FBXW8: variants seen among roughly 807,000 people sequenced by gnomAD.
FBXW8 encodes F-box/WD repeat-containing protein 8.
Under a neutral mutation model 65.3 loss-of-function variants are expected in FBXW8, and 57 were observed. That is an observed-to-expected ratio of 0.87 (90% CI 0.71 to 1.09). The LOEUF (loss-of-function observed/expected upper bound fraction) is 1.09, where lower values mean the gene tolerates loss of function less well. Among genes scored for constraint, FBXW8 ranks in the 50% least tolerant of loss-of-function variants. The pLI is 0.00. For missense variants in FBXW8, 777 were observed against 814.8 expected, an observed-to-expected ratio of 0.95 and a Z score of 0.57; for synonymous variants, 308 against 330.2, an observed-to-expected ratio of 0.93 and a Z score of 0.73.
intron 8 of FBXW8, among the ~76,000 whole-genome samples, chr12:117,010,995 G>A (rs1428071864): frequency 2.0e-5 from 3 of 152,200 alleles, no homozygotes; most frequent in Non-Finnish European, 4.4e-5. Context: ...GATTTTCCCG[G>A]TATAGGGGCC....
intron 2 of FBXW8, among the ~76,000 whole-genome samples, chr12:116,935,866 G>A (rs184805653): frequency 8.9e-4 from 135 of 152,288 alleles, no homozygotes; most frequent in South Asian, 2.3e-3. Flanking sequence ...TATGACCTTT[G>A]AGAATTAAAA....
intron 8 of FBXW8, among the ~76,000 whole-genome samples, chr12:117,021,744 GA>G (rs1025289765): frequency 2.1e-4 from 31 of 151,190 alleles, no homozygotes; most frequent in Admixed American, 1.6e-3. Context: ...ACTTCTTTCC[GA>G]TTTTTTTTAA....
At chr12:116,919,029 A>G (rs1002746112) in intron 1 of FBXW8, among the ~76,000 whole-genome samples, 6 of 152,202 alleles carry the variant, frequency 3.9e-5, no homozygotes, top group African/African-American at 1.4e-4. Context: ...TAAGAGATTA[A>G]CAGCAACAAC....
At chr12:116,994,317 A>G (rs1953323439) in intron 7 of FBXW8, among the ~76,000 whole-genome samples, 1 of 152,214 alleles carries the variant, frequency 6.6e-6, no homozygotes, top group African/African-American at 2.4e-5. Context: ...GTGTGAAAGT[A>G]TGGTACTGGT....
chr12:117,027,599 C>G, intron 10 of FBXW8, 95 bp downstream of exon 10: 1 of 953,208 alleles, frequency 1.0e-6, no homozygotes, highest in Non-Finnish European at 1.7e-6. Flanking sequence ...ACCCTATGGG[C>G]TATACCCTCA....
intron 1 of FBXW8, among the ~76,000 whole-genome samples, chr12:116,914,953 G>A (rs1041108607): frequency 2.6e-5 from 4 of 152,214 alleles, no homozygotes; most frequent in African/African-American, 7.2e-5. Context: ...CATTGTGTGC[G>A]TAAACTGTCT....
In FBXW8 at chr12:117,010,437, A is replaced by G; in HGVS notation, c.1354A>G (p.Asn452Asp). Residue 452 changes from asparagine (N) to aspartate (D), a missense_variant, in exon 8 of 11, where the codon AAC becomes GAC. By Grantham distance (23) the Asn-to-Asp change is conservative. Transcript: ENST00000652555. ...DSPPNLMVSG[N>D]MDGRVRIHDL... ...CCCTCCCAACCTCATGGTCAGTGGC[A>G]ACATGGACGGGAGGTACGTGAGTTG... 1 of 1,614,248 alleles carries G rather than the reference A, an allele frequency of 6.2e-7. No individual in the cohort carries two copies.
rs182053192 is a variant in FBXW8, at chr12:117,013,624, A to T, written c.1367+3174A>T. Among the ~76,000 whole-genome samples, 869 of 152,264 alleles carry T rather than the reference A, an allele frequency of 5.7e-3. 10 individuals are homozygous for T. Among genetic ancestry groups the T allele is most frequent in the African/African-American group, 0.02 (822 of 41,544 alleles). ...ATTCTAAGATGTATATTAAAAAAAA[A>T]TTTTTCACATCTATGAAATCAGAAT... On this transcript the variant is annotated intron_variant, in intron 8 of 10. Coordinates refer to ENST00000652555, the MANE Select transcript of FBXW8 (RefSeq NM_153348.3).
At chr12:116,929,275 C>G (rs1326153741) in intron 2 of FBXW8, among the ~76,000 whole-genome samples, 1 of 152,134 alleles carries the variant, frequency 6.6e-6, no homozygotes, top group Non-Finnish European at 1.5e-5. Flanking sequence ...TGCTCTGTCA[C>G]CGAGGCTGGA....
At chr12:116,971,947 A>G (rs117425351) in intron 5 of FBXW8, among the ~76,000 whole-genome samples, 8,866 of 152,306 alleles carry the variant, frequency 0.058, 304 homozygotes, top group Non-Finnish European at 0.08. Flanking sequence ...GAAAGGCACC[A>G]TAGTATGCTA....
intron 1 of FBXW8, among the ~76,000 whole-genome samples, chr12:116,912,478 G>A (rs1880050829): frequency 7.1e-6 from 1 of 140,210 alleles, no homozygotes; most frequent in Admixed American, 7.1e-5. Context: ...TTTTTGAGAC[G>A]GAGTCTCGCT....
At chr12:117,016,021 T>C (rs966222839) in intron 8 of FBXW8, among the ~76,000 whole-genome samples, 2 of 152,256 alleles carry the variant, frequency 1.3e-5, no homozygotes, top group African/African-American at 4.8e-5. Flanking sequence ...TCATTCCTTT[T>C]TCTGGCCAAG....
At chr12:116,948,224 C>G (rs1774120148) in intron 3 of FBXW8, among the ~76,000 whole-genome samples, 1 of 152,102 alleles carries the variant, frequency 6.6e-6, no homozygotes. Flanking sequence ...TGCATAAATG[C>G]AGGTTTTCAT....
intron 8 of FBXW8, among the ~76,000 whole-genome samples, chr12:117,021,192 T>C (rs1954085239): frequency 6.6e-6 from 1 of 152,262 alleles, no homozygotes; most frequent in Non-Finnish European, 1.5e-5. Context: ...TGCATTGTAG[T>C]TTTACTGTGT....
rs1039210607 is a variant in FBXW8, at chr12:116,945,444, T to G, written c.504T>G (p.Asp168Glu). ...RLCQQEGHLP[D>E]SSISDYSCWK... ...GCCAGCAGGAAGGGCACCTTCCGGA[T>G]AGCAGCATCTCTGACTATTCTTGCT... Residue 168 changes from aspartate to glutamate, a missense_variant, in exon 3 of 11, where the codon GAT becomes GAG. Physicochemically the swap from Asp to Glu is conservative, Grantham distance 45 (BLOSUM62 2). Transcript: ENST00000652555. 1.2e-5 allele frequency: 20 copies of G among 1,614,060 alleles called. No individual in the cohort carries two copies. The highest frequency in any genetic ancestry group is 1.4e-5 in the Non-Finnish European group (17 of 1,180,030).
In FBXW8 at chr12:117,028,748, T is replaced by TATA. The variant is rs141514982; in HGVS notation, c.*577_*579dup. 2,501 of 154,840 alleles carry TATA rather than the reference T, an allele frequency of 0.016. 64 individuals are homozygous for TATA. The highest frequency in any genetic ancestry group is 0.057 in the African/African-American group (2,351 of 41,566). The allele number at this position is 154,840 out of a possible 1,614,324, so 9.6% of individuals were successfully genotyped here. A position where few individuals can be genotyped will look rare whatever the true frequency, so the allele number is the denominator to read the frequency against. On this transcript the variant is annotated 3_prime_UTR_variant, in exon 11 of 11. Transcript: ENST00000652555. The surrounding 1 kb of genome is among the most constrained non-coding windows in gnomAD (Gnocchi z 4.1). Reference sequence around the variant, plus strand: ...TTACCATGGTTTATAATTATATACTTATACAGTTTAGTCATCAATGACTAT... The same window carrying TATA: ...TTACCATGGTTTATAATTATATACTTATAATACAGTTTAGTCATCAATGACTAT...
At chr12:116,999,941 T>A (rs1280891876) in intron 7 of FBXW8, among the ~76,000 whole-genome samples, 1 of 151,820 alleles carries the variant, frequency 6.6e-6, no homozygotes, top group Non-Finnish European at 1.5e-5. Context: ...GCATCAGAGC[T>A]CTGGCCCTGA....
intron 5 of FBXW8, among the ~76,000 whole-genome samples, chr12:116,974,855 A>C (rs1884827441): frequency 6.6e-6 from 1 of 152,230 alleles, no homozygotes; most frequent in South Asian, 2.1e-4. Context: ...AGATAAATAC[A>C]AGATGAATCT....
intron 5 of FBXW8, among the ~76,000 whole-genome samples, chr12:116,967,206 C>T (rs955094993): frequency 6.6e-6 from 1 of 150,854 alleles, no homozygotes; most frequent in African/African-American, 2.4e-5. Flanking sequence ...GGTGATCTTC[C>T]GTGTTCACAC....
Sources: allele counts gnomAD v4.1 joint callset (sites outside exome capture counted in the v4.1 genomes callset), GRCh38; gene constraint gnomAD v4.1.1; non-coding constraint Gnocchi (gnomAD v3.1); transcripts MANE v1.5; gene names NCBI Gene and HGNC (gene_info 2026-07-23, HGNC 2026-07-21).